The following SUMF1 variants were observed in gnomAD, a reference collection of about 807,000 sequenced individuals.
The protein encoded by SUMF1 is formylglycine-generating enzyme.
SUMF1 carries 48 observed loss-of-function variants against 47.6 expected under a neutral mutation model. The ratio of observed to expected loss-of-function variants is 1.01; its 90% CI spans 0.80 to 1.28. The LOEUF (loss-of-function observed/expected upper bound fraction) is 1.28, where lower values mean the gene tolerates loss of function less well. SUMF1 is among the 50% of genes most tolerant of loss of function. The probability of loss-of-function intolerance (pLI) is 0.00; values close to 1 mark genes in which losing one functional copy is unlikely to be tolerated. For synonymous variants in SUMF1, 230 were observed against 192.1 expected, an observed-to-expected ratio of 1.20 and a Z score of -1.63; for missense variants, 571 against 485.4, an observed-to-expected ratio of 1.18 and a Z score of -1.66.
At chr3:4,213,469 T>C (rs1256421917) in intron 8 of SUMF1, among the ~76,000 whole-genome samples, 2 of 151,986 alleles carry the variant, frequency 1.3e-5, no homozygotes, top group South Asian at 2.1e-4. Context: ...AACCAAAATA[T>C]AAAGACCATC....
intron 8 of SUMF1, among the ~76,000 whole-genome samples, chr3:4,193,547 T>C (rs1194644751): frequency 6.6e-6 from 1 of 152,056 alleles, no homozygotes; most frequent in African/African-American, 2.4e-5. Context: ...GCCAACTCCA[T>C]GTACTCAGCA....
chr3:4,344,376 C>G (rs1422068393), intron 8 of SUMF1, among the ~76,000 whole-genome samples: 1 of 152,158 alleles, frequency 6.6e-6, no homozygotes, highest in Non-Finnish European at 1.5e-5. Context: ...TCTCCAGGCA[C>G]AGGAGCAAAT....
Position 4,335,965 on chromosome 3 carries a change from A to AAAACAAAAAAC in SUMF1, c.1014+40364_1014+40365insGTTTTTTGTTT, listed in dbSNP as rs1233134140. Among the ~76,000 whole-genome samples, 6 of 146,880 alleles carry AAAACAAAAAAC rather than the reference A, an allele frequency of 4.1e-5. No homozygotes were observed. The South Asian group carries it at 7.2e-4, about 18-fold the overall frequency. ...AACTGAGTGAGATTCCAACTCAAAAAAAAAAAAAAAAAAAACAGAAAAAAC... is the reference window on the plus strand; with the variant it reads ...AACTGAGTGAGATTCCAACTCAAAAAAAACAAAAAACAAAAAAAAAAAAAAACAGAAAAAAC... On this transcript the variant is annotated intron_variant and NMD_transcript_variant, in intron 8 of 12. Transcript: ENST00000448413.
intron 4 of SUMF1, among the ~76,000 whole-genome samples, chr3:4,419,211 T>C: frequency 6.6e-6 from 1 of 152,186 alleles, no homozygotes; most frequent in East Asian, 1.9e-4. Context: ...AGAAGCCAAG[T>C]CCACCTGAGA....
chr3:4,048,527 G>C (rs1011472015), intron 9 of SUMF1, among the ~76,000 whole-genome samples: 1 of 152,044 alleles, frequency 6.6e-6, no homozygotes, highest in South Asian at 2.1e-4. Flanking sequence ...TATGCCCTTG[G>C]ACTAAATAAT....
At chr3:4,365,025 T>C (rs1699903136) in intron 8 of SUMF1, among the ~76,000 whole-genome samples, 1 of 152,116 alleles carries the variant, frequency 6.6e-6, no homozygotes, top group African/African-American at 2.4e-5. Context: ...GTTGAGCGGT[T>C]TTGAGTGAGT....
At position 4,362,028 on chromosome 3, in the gene SUMF1, A is replaced by T; in HGVS notation, c.*116T>A. 1 of 1,011,154 alleles carries T rather than the reference A, an allele frequency of 9.9e-7. No individual in the cohort carries two copies. Among genetic ancestry groups the T allele is most frequent in the Non-Finnish European group, 1.5e-6 (1 of 660,242 alleles). The allele number at this position is 1,011,154 out of a possible 1,614,324, so 62.6% of individuals were successfully genotyped here. A position where few individuals can be genotyped will look rare whatever the true frequency, so the allele number is the denominator to read the frequency against. ...CGGTTCCTTTGGCCATTGGGCAGGT[A>T]TGTAACCCACCTCAGGGTGGGAATT... On this transcript the variant is annotated 3_prime_UTR_variant, in exon 9 of 9. Coordinates refer to ENST00000272902, the MANE Select transcript of SUMF1 (RefSeq NM_182760.4).
At position 4,420,433 on chromosome 3, in the gene SUMF1, T is replaced by C. The variant is rs1453199302; in HGVS notation, c.520-287A>G. ...TTTTTTGAGATGGAGTCTCGCTCTG[T>C]CGCCCAGGCTGGAGTGCAGGGGTTG... is the stretch of plus-strand genomic sequence containing the variant. On this transcript the variant is annotated intron_variant, in intron 3 of 8. Transcript: ENST00000272902. 2.7e-5 allele frequency among the ~76,000 whole-genome samples: 4 copies of C among 150,392 alleles called. No individual in the cohort carries two copies. The East Asian group carries it at 5.8e-4, about 22-fold the overall frequency.
intron 3 of SUMF1, among the ~76,000 whole-genome samples, chr3:4,422,284 G>C (rs1701923698): frequency 6.6e-6 from 1 of 152,054 alleles, no homozygotes; most frequent in African/African-American, 2.4e-5. Flanking sequence ...GCCCACACTT[G>C]TGTTTCAGGA....
chr3:4,314,729 G>A lies in SUMF1; in HGVS notation c.1014+61601C>T, dbSNP rs144956046. ...TGATCCCGTTTAAACTTCTAGAGCAGCAAACATCTCTAACTACCTTCCTTA... is the reference window on the plus strand; with the variant it reads ...TGATCCCGTTTAAACTTCTAGAGCAACAAACATCTCTAACTACCTTCCTTA... On this transcript the variant is annotated intron_variant and NMD_transcript_variant, in intron 8 of 12. Coordinates refer to the SUMF1 transcript ENST00000448413. Among the ~76,000 whole-genome samples, 23 of 152,240 alleles carry A rather than the reference G, an allele frequency of 1.5e-4. 1 individual carries two copies. The highest frequency in any genetic ancestry group is 1.0e-4 in the Non-Finnish European group (7 of 68,022).
At chr3:4,130,824 G>C (rs924706140) in intron 8 of SUMF1, among the ~76,000 whole-genome samples, 1 of 152,122 alleles carries the variant, frequency 6.6e-6, no homozygotes, top group Admixed American at 6.6e-5. Flanking sequence ...AAGGCTACCA[G>C]TTTTGAGTTG....
chr3:4,133,588 C>G (rs1693844340), intron 8 of SUMF1, among the ~76,000 whole-genome samples: 1 of 152,054 alleles, frequency 6.6e-6, no homozygotes, highest in South Asian at 2.1e-4. Context: ...GCCTGTGCAG[C>G]TAGATTATAT....
In SUMF1 at chr3:4,417,108, G is replaced by A. The variant is rs752710112; in HGVS notation, c.840+20C>T. The A allele has an allele frequency of 2.5e-6, 4 of 1,611,188 alleles. No individual in the cohort carries two copies. The African/African-American group carries it at 4.0e-5, about 16-fold the overall frequency. ...AGTTCTCAGCAGCTGCCACCCTCCT[G>A]CAGAGGTCTCATTACTCACAGGCGC... is the stretch of plus-strand genomic sequence containing the variant. On this transcript the variant is annotated intron_variant, in intron 6 of 8. Transcript: ENST00000272902.
intron 8 of SUMF1, among the ~76,000 whole-genome samples, chr3:4,143,316 C>T (rs1694115659): frequency 6.6e-6 from 1 of 152,050 alleles, no homozygotes; most frequent in Non-Finnish European, 1.5e-5. Context: ...CCATTGTGTA[C>T]CAGGGATAAG....
intron 8 of SUMF1, among the ~76,000 whole-genome samples, chr3:4,107,659 C>T (rs908087776): frequency 4.6e-5 from 7 of 151,982 alleles, no homozygotes; most frequent in Non-Finnish European, 1.0e-4. Flanking sequence ...CCTATTAAAG[C>T]GCAAATATCA....
intron 8 of SUMF1, among the ~76,000 whole-genome samples, chr3:4,072,305 C>T (rs1695546622): frequency 6.6e-6 from 1 of 152,108 alleles, no homozygotes; most frequent in African/African-American, 2.4e-5. Flanking sequence ...AAAGGACATC[C>T]ACACCAAAAC....
chr3:4,110,369 T>A (rs896758783), intron 8 of SUMF1, among the ~76,000 whole-genome samples: 8 of 151,970 alleles, frequency 5.3e-5, no homozygotes, highest in Non-Finnish European at 7.4e-5. Flanking sequence ...TACTTGGGGG[T>A]CAGGGACCCA....
chr3:4,122,394 A>G (rs1265099630), intron 8 of SUMF1, among the ~76,000 whole-genome samples: 1 of 152,154 alleles, frequency 6.6e-6, no homozygotes, highest in Non-Finnish European at 1.5e-5. Context: ...GGGTTCAGGG[A>G]GAAGGTATGT....
At position 4,446,797 on chromosome 3, in the gene SUMF1, T is replaced by C. The variant is rs562137989; in HGVS notation, c.519+2469A>G. Among the ~76,000 whole-genome samples the C allele has an allele frequency of 2.3e-4, 35 of 152,268 alleles. 1 individual carries two copies. In the South Asian group the frequency reaches 7.0e-3, roughly 31 times the overall value. ...ACTGCAGGAAAGTCTCCAGGCTAAA[T>C]GTCCTAGATTCTTCAATAGATAAAT... is the stretch of plus-strand genomic sequence containing the variant. On this transcript the variant is annotated intron_variant, in intron 3 of 8. Transcript: ENST00000272902.
Sources: gnomAD v4.1 joint callset for allele counts (sites outside exome capture counted in the v4.1 genomes callset) on GRCh38, gnomAD v4.1.1 for gene constraint, MANE v1.5 for transcripts, NCBI Gene and HGNC (gene_info 2026-07-23, HGNC 2026-07-21) for gene names.